The following SCARA3 variants were observed in gnomAD, a reference collection of about 807,000 sequenced individuals.
SCARA3 encodes the protein scavenger receptor class A member 3, also known as cellular stress response gene protein.
A neutral mutation model predicts 47.0 loss-of-function variants in SCARA3; 39 were observed. That is an observed-to-expected ratio of 0.83 (90% CI 0.64 to 1.08). The LOEUF is 1.08. Among genes scored for constraint, SCARA3 ranks in the 50% least tolerant of loss-of-function variants. The pLI is 0.00. For missense variants in SCARA3, 724 were observed against 792.3 expected (o/e 0.91, Z 1.04); for synonymous variants, 356 against 334.1 (o/e 1.07, Z -0.71).
At position 27,671,696 on chromosome 8, in the gene SCARA3, A is replaced by G; in HGVS notation, c.*345A>G. The stretch of plus-strand genomic sequence containing the variant: ...CACACATACACGTGCACACATACAC[A>G]GGCACACATGCATGCACACATACAC... On this transcript the variant is annotated 3_prime_UTR_variant, in exon 6 of 6. Transcript: ENST00000301904. The G allele has an allele frequency of 9.4e-7, 1 of 1,065,092 alleles. No individual in the cohort carries two copies. Among genetic ancestry groups the G allele is most frequent in the Non-Finnish European group, 1.1e-6 (1 of 875,596 alleles). 66.0% of individuals were successfully genotyped at this position (1,065,092 alleles called of 1,614,324 possible).
the SCARA3 span, among the ~76,000 whole-genome samples, chr8:27,715,126 A>T: frequency 6.6e-6 from 1 of 151,960 alleles, no homozygotes; most frequent in African/African-American, 2.4e-5. The surrounding 1 kb of genome is among the most constrained non-coding windows in gnomAD (Gnocchi z 4.2). Flanking sequence ...AGATCTCTCT[A>T]TGGTGTTCAG....
chr8:27,636,662 G>A (rs947792470), intron 1 of SCARA3, among the ~76,000 whole-genome samples: 3 of 152,074 alleles, frequency 2.0e-5, no homozygotes, highest in Non-Finnish European at 4.4e-5. Context: ...TTCATGTGCC[G>A]AGCGGGATTC....
the SCARA3 span, among the ~76,000 whole-genome samples, chr8:27,721,343 G>A: frequency 0.15 from 22,519 of 151,916 alleles, 1,823 homozygotes; most frequent in South Asian, 0.19. Flanking sequence ...ACTATGAACC[G>A]GGCACTGTTC....
At chr8:27,714,442 C>T in the SCARA3 span, among the ~76,000 whole-genome samples, 8 of 152,110 alleles carry the variant, frequency 5.3e-5, no homozygotes, top group Non-Finnish European at 1.0e-4. Flanking sequence ...ATCCACCCGC[C>T]TCGGCCTCCC....
chr8:27,654,560 G>A (rs185649148), intron 3 of SCARA3, among the ~76,000 whole-genome samples: 327 of 152,056 alleles, frequency 2.2e-3, no homozygotes, highest in Non-Finnish European at 3.3e-3. Flanking sequence ...GGAGTTTGAG[G>A]CCAGCCTGGG....
In SCARA3 at chr8:27,671,315, G is replaced by C; in HGVS notation, c.1785G>C (p.Gly595=). Residue 595 remains glycine, a synonymous_variant, in exon 6 of 6, where the codon GGG becomes GGC. Transcript: ENST00000301904. The stretch of plus-strand genomic sequence containing the variant: ...TCCAGGGTCCCCCTGGTCTCCCGGG[G>C]CCTCCAGGTCCACCAGGAAGCCAGA... ...PGIQGPPGLP[G]PPGPPGSQSF... 1 of 1,430,382 alleles carries C rather than the reference G, an allele frequency of 7.0e-7. No homozygotes were observed. Among genetic ancestry groups the C allele is most frequent in the African/African-American group, 1.5e-5 (1 of 68,132 alleles). The allele number at this position is 1,430,382 out of a possible 1,614,324, so 88.6% of individuals were successfully genotyped here.
At chr8:27,708,873 A>G in the SCARA3 span, among the ~76,000 whole-genome samples, 10 of 152,214 alleles carry the variant, frequency 6.6e-5, no homozygotes, top group Admixed American at 5.2e-4. Context: ...AAATAGCAAA[A>G]AAGAAATGTG....
chr8:27,651,813 T>C (rs1166841958), intron 3 of SCARA3, among the ~76,000 whole-genome samples, 186 bp downstream of exon 3: 1 of 152,238 alleles, frequency 6.6e-6, no homozygotes, highest in Non-Finnish European at 1.5e-5. Flanking sequence ...ACAAGATCTG[T>C]GGCCTTAAGG....
chr8:27,657,779 A>G (rs1801774588), intron 4 of SCARA3, among the ~76,000 whole-genome samples: 1 of 151,598 alleles, frequency 6.6e-6, no homozygotes, highest in South Asian at 2.1e-4. Context: ...TGACCTCGTG[A>G]TCCGCCCGCC....
intron 1 of SCARA3, among the ~76,000 whole-genome samples, chr8:27,643,319 G>A (rs1011543026): frequency 2.0e-5 from 3 of 152,208 alleles, no homozygotes; most frequent in Non-Finnish European, 2.9e-5. Context: ...AGCAGGAACC[G>A]GGAGGGAAGC....
chr8:27,642,582 G>T (rs1452684965), intron 1 of SCARA3, among the ~76,000 whole-genome samples: 1 of 152,166 alleles, frequency 6.6e-6, no homozygotes, highest in African/African-American at 2.4e-5. Flanking sequence ...CAGCACTTTG[G>T]GAGACCCAGG....
intron 3 of SCARA3, among the ~76,000 whole-genome samples, chr8:27,653,387 G>C (rs1801674850): frequency 1.3e-5 from 2 of 152,218 alleles, no homozygotes; most frequent in Admixed American, 1.3e-4. Context: ...AATGGACAGA[G>C]GATCAGAACA....
chr8:27,715,835 TA>T, the SCARA3 span, among the ~76,000 whole-genome samples: 2 of 96,714 alleles, frequency 2.1e-5, no homozygotes, highest in African/African-American at 8.4e-5. This position sits in a 1 kb window ranked among gnomAD's most constrained non-coding sequence, Gnocchi z 4.2. Flanking sequence ...GATAGATAGA[TA>T]GATAGATAGA....
chr8:27,660,702 G>A (rs199782610), intron 5 of SCARA3, among the ~76,000 whole-genome samples: 1 of 73,008 alleles, frequency 1.4e-5, no homozygotes, highest in Non-Finnish European at 4.0e-5. Context: ...ATGATAGATA[G>A]ATAGATAGAT....
the SCARA3 span, among the ~76,000 whole-genome samples, chr8:27,695,222 C>A: frequency 5.3e-5 from 8 of 152,054 alleles, no homozygotes; most frequent in African/African-American, 1.9e-4. Context: ...ATAGATCCAC[C>A]CTAAAAAGAA....
chr8:27,660,686 TGATA>T (rs1322071650), intron 5 of SCARA3, among the ~76,000 whole-genome samples: 3 of 116,706 alleles, frequency 2.6e-5, no homozygotes, highest in African/African-American at 6.6e-5. Context: ...TAGTGTAGAG[TGATA>T]GATGATAGAT....
chr8:27,671,759 C>CA lies in SCARA3; in HGVS notation c.*409dup. On this transcript the variant is annotated 3_prime_UTR_variant, in exon 6 of 6. Coordinates refer to ENST00000301904, the MANE Select transcript of SCARA3 (RefSeq NM_016240.3). ...ATGCACACATATATGCACAGGCACA[C>CA]ACATGTACGCACACACACATGCACT... 1 of 1,006,532 alleles carries CA rather than the reference C, an allele frequency of 9.9e-7. No individual in the cohort carries two copies. The highest frequency in any genetic ancestry group is 4.7e-5 in the South Asian group (1 of 21,492). 62.4% of individuals were successfully genotyped at this position (1,006,532 alleles called of 1,614,324 possible).
At chr8:27,722,987 G>A in the SCARA3 span, among the ~76,000 whole-genome samples, 1 of 152,150 alleles carries the variant, frequency 6.6e-6, no homozygotes, top group Non-Finnish European at 1.5e-5. Flanking sequence ...TTCGGCAGCA[G>A]GCAGCATTGC....
the SCARA3 span, among the ~76,000 whole-genome samples, chr8:27,712,454 T>C: frequency 0.29 from 42,816 of 147,804 alleles, 6,727 homozygotes; most frequent in South Asian, 0.48. Flanking sequence ...TCTCAGCTAC[T>C]TGGGAGGCTG....
Sources: allele counts gnomAD v4.1 joint callset (sites outside exome capture counted in the v4.1 genomes callset), GRCh38; gene constraint gnomAD v4.1.1; non-coding constraint Gnocchi (gnomAD v3.1); transcripts MANE v1.5; gene names NCBI Gene and HGNC (gene_info 2026-07-23, HGNC 2026-07-21).